The following ZNF480 variants were observed in gnomAD, a reference collection of about 807,000 sequenced individuals.
ZNF480 encodes zinc finger protein 480.
A neutral mutation model predicts 14.4 loss-of-function variants in ZNF480; 15 were observed. The observed-to-expected ratio is 1.04, with a 90% CI of 0.70 to 1.60. The LOEUF (loss-of-function observed/expected upper bound fraction) is 1.60. Among genes scored for constraint, ZNF480 ranks in the 40% most tolerant of loss-of-function variants. ZNF480 has a pLI of 0.00. For synonymous variants in ZNF480, 218 were observed against 215.5 expected, an observed-to-expected ratio of 1.01 and a Z score of -0.10; for missense variants, 593 against 629.7, an observed-to-expected ratio of 0.94 and a Z score of 0.62.
At position 52,322,703 on chromosome 19, in the gene ZNF480, TG is replaced by T; in HGVS notation, c.1454del (p.Cys485LeufsTer42). 1 of 1,613,708 alleles carries T rather than the reference TG, an allele frequency of 6.2e-7. No homozygotes were observed. The highest frequency in any genetic ancestry group is 8.5e-7 in the Non-Finnish European group (1 of 1,179,750). On this transcript the variant is annotated frameshift_variant, in exon 5 of 5. Coordinates refer to ENST00000595962, the MANE Select transcript of ZNF480 (RefSeq NM_144684.4). LOFTEE classifies it low-confidence loss of function (END_TRUNC). ...RIHTGERPYK[C>X]NECGKVFNRI... is the part of the protein sequence containing the mutation. ...CCATACTGGAGAAAGACCTTACAAA[TG>T]TAATGAATGTGGCAAGGTCTTCAAT... is the stretch of plus-strand genomic sequence containing the variant.
At position 52,322,372 on chromosome 19, in the gene ZNF480, T is replaced by A. The variant is rs142969990; in HGVS notation, c.1122T>A (p.Asn374Lys). The change falls in exon 5 of 5, where the codon AAT becomes AAA. Residue 374 changes from asparagine to lysine, a missense_variant. Physicochemically the swap from Asn to Lys is moderately conservative, Grantham distance 94 (BLOSUM62 0). Transcript: ENST00000595962. ...IHTGEKPYKC[N>K]ECGKVFIQNS... ...CTGGAGAGAAACCTTACAAATGTAA[T>A]GAATGTGGAAAGGTCTTTATTCAAA... The A allele has an allele frequency of 3.1e-6, 5 of 1,613,948 alleles. No individual in the cohort carries two copies. The East Asian group carries it at 6.7e-5, about 22-fold the overall frequency.
chr19:52,298,825 T>C (rs139012629), intron 1 of ZNF480, among the ~76,000 whole-genome samples: 1,692 of 145,972 alleles, frequency 0.012, 14 homozygotes, highest in Middle Eastern at 0.028. Flanking sequence ...AGGGGAAAAA[T>C]AAAGGGGGAA....
intron 3 of ZNF480, among the ~76,000 whole-genome samples, 194 bp downstream of exon 3, chr19:52,314,473 C>CAAAAAAAAAAAAAAAAAA (rs34349660): frequency 1.5e-5 from 1 of 66,208 alleles, no homozygotes. Flanking sequence ...AACTCCGTCC[C>CAAAAAAAAAAAAAAAAAA]AAAAAAAAAA....
intron 2 of ZNF480, among the ~76,000 whole-genome samples, chr19:52,310,788 C>T (rs965670607): frequency 1.3e-5 from 2 of 151,344 alleles, no homozygotes; most frequent in Admixed American, 1.3e-4. Flanking sequence ...ATCACGAGGT[C>T]AGGAGATCGA....
At chr19:52,302,524 T>C (rs1982745092) in intron 2 of ZNF480, among the ~76,000 whole-genome samples, 1 of 152,194 alleles carries the variant, frequency 6.6e-6, no homozygotes, top group Non-Finnish European at 1.5e-5. Flanking sequence ...TCTGTTTTAA[T>C]AAAAGCTGGA....
chr19:52,325,679 T>A lies in ZNF480; in HGVS notation c.*2821T>A, dbSNP rs1478950120. ...ATTAATGCAGGAACAGAAAATGAAA[T>A]ATCCCATGTTCTCACTTATAAGTGG... On this transcript the variant is annotated 3_prime_UTR_variant, in exon 5 of 5. Transcript: ENST00000595962. The A allele has an allele frequency of 6.6e-6, 1 of 152,168 alleles. No individual in the cohort carries two copies. Among genetic ancestry groups the A allele is most frequent in the Non-Finnish European group, 1.5e-5 (1 of 68,048 alleles). 9.4% of individuals were successfully genotyped at this position (152,168 alleles called of 1,614,324 possible).
At position 52,313,110 on chromosome 19, in the gene ZNF480, C is replaced by T. The variant is rs752722511; in HGVS notation, c.73-1043C>T. Among the ~76,000 whole-genome samples the T allele has an allele frequency of 1.4e-4, 21 of 150,440 alleles. No individual in the cohort carries two copies. The East Asian group carries it at 1.6e-3, about 11-fold the overall frequency. ...TGGTGGGATTACAGGCGTGAGCCAC[C>T]GCGCCCAGCCTATAATTCTTTCTCT... On this transcript the variant is annotated intron_variant, in intron 2 of 4. Transcript: ENST00000595962.
chr19:52,302,462 C>G (rs554261896), intron 2 of ZNF480, among the ~76,000 whole-genome samples: 1 of 152,232 alleles, frequency 6.6e-6, no homozygotes, highest in East Asian at 1.9e-4. Context: ...GTTTAATACT[C>G]TATATAGAGA....
chr19:52,322,710 A>C lies in ZNF480; in HGVS notation c.1460A>C (p.Glu487Ala). 1 of 1,613,818 alleles carries C rather than the reference A, an allele frequency of 6.2e-7. No individual in the cohort carries two copies. The highest frequency in any genetic ancestry group is 8.5e-7 in the Non-Finnish European group (1 of 1,179,790). ...GGAGAAAGACCTTACAAATGTAATG[A>C]ATGTGGCAAGGTCTTCAATCGAATT... Reference protein sequence around the residue: ...HTGERPYKCNECGKVFNRIAH... With the variant: ...HTGERPYKCNACGKVFNRIAH... The change falls in exon 5 of 5, where the codon GAA becomes GCA. Residue 487 changes from glutamate to alanine, a missense_variant. Physicochemically the swap from Glu to Ala is moderately radical, Grantham distance 107. Coordinates refer to ENST00000595962, the MANE Select transcript of ZNF480 (RefSeq NM_144684.4).
intron 2 of ZNF480, among the ~76,000 whole-genome samples, chr19:52,304,986 C>G (rs1243407073): frequency 6.6e-6 from 1 of 152,024 alleles, no homozygotes; most frequent in African/African-American, 2.4e-5. Context: ...GTGGTCCCAG[C>G]TACTTGGGAG....
At position 52,323,030 on chromosome 19, in the gene ZNF480, C is replaced by T. The variant is rs1600223485; in HGVS notation, c.*172C>T. 2 of 498,264 alleles carry T rather than the reference C, an allele frequency of 4.0e-6. No homozygotes were observed. The highest frequency in any genetic ancestry group is 6.5e-5 in the East Asian group (2 of 30,932). The allele number at this position is 498,264 out of a possible 1,614,324, so 30.9% of individuals were successfully genotyped here. A position where few individuals can be genotyped will look rare whatever the true frequency, so the allele number is the denominator to read the frequency against. On this transcript the variant is annotated 3_prime_UTR_variant, in exon 5 of 5. Coordinates refer to ENST00000595962, the MANE Select transcript of ZNF480 (RefSeq NM_144684.4). Reference sequence around the variant, plus strand: ...GAGAATTTATACTGGAGAGACTTCACAATTATAATAAATGTGTGGAAAAGT... The same window carrying T: ...GAGAATTTATACTGGAGAGACTTCATAATTATAATAAATGTGTGGAAAAGT...
rs149934858 is a variant in ZNF480, at chr19:52,300,703, G to A, written c.72+219G>A. The A allele has an allele frequency of 5.1e-6, 4 of 778,074 alleles. No homozygotes were observed. The African/African-American group carries it at 5.2e-5, about 10-fold the overall frequency. The allele number at this position is 778,074 out of a possible 1,614,324, so 48.2% of individuals were successfully genotyped here. On this transcript the variant is annotated intron_variant, in intron 2 of 4. Coordinates refer to ENST00000595962, the MANE Select transcript of ZNF480 (RefSeq NM_144684.4). ...CACAGACACAAGAATAGAGTGTAAA[G>A]TGGGATCAGGGGCCAACAGCCTTCA...
At chr19:52,316,167 G>A (rs1983542125) in intron 4 of ZNF480, among the ~76,000 whole-genome samples, 1 of 150,132 alleles carries the variant, frequency 6.7e-6, no homozygotes, top group South Asian at 2.1e-4. Flanking sequence ...TATTTGACTG[G>A]AGATCTTTCT....
intron 2 of ZNF480, among the ~76,000 whole-genome samples, chr19:52,303,719 G>A (rs1982799252): frequency 6.6e-6 from 1 of 152,162 alleles, no homozygotes; most frequent in Non-Finnish European, 1.5e-5. Flanking sequence ...TAATTGCTGA[G>A]GGCTAGTGAG....
intron 1 of ZNF480, among the ~76,000 whole-genome samples, chr19:52,298,221 A>G (rs1982506571): frequency 6.6e-6 from 1 of 152,002 alleles, no homozygotes; most frequent in Non-Finnish European, 1.5e-5. Context: ...CAACGAGAGC[A>G]GAGGGAGAAC....
rs1984055684 is a variant in ZNF480 at position 52,325,484 on chromosome 19, A to T, written c.*2626A>T. 1 of 152,246 alleles carries T rather than the reference A, an allele frequency of 6.6e-6. No homozygotes were observed. Among genetic ancestry groups the T allele is most frequent in the African/African-American group, 2.4e-5 (1 of 41,466 alleles). 9.4% of individuals were successfully genotyped at this position (152,246 alleles called of 1,614,324 possible). A position where few individuals can be genotyped will look rare whatever the true frequency, so the allele number is the denominator to read the frequency against. On this transcript the variant is annotated 3_prime_UTR_variant, in exon 5 of 5. Coordinates refer to ENST00000595962, the MANE Select transcript of ZNF480 (RefSeq NM_144684.4). ...CAAACACTTGTATGTTCATTGCAGC[A>T]CTATTCTCAATAGCAAAGATGTGGA...
At chr19:52,300,045 G>A (rs1236609328) in intron 1 of ZNF480, among the ~76,000 whole-genome samples, 1 of 152,182 alleles carries the variant, frequency 6.6e-6, no homozygotes, top group Non-Finnish European at 1.5e-5. Flanking sequence ...CTCCATTTCT[G>A]AGGGATTACA....
chr19:52,307,143 C>T lies in ZNF480; in HGVS notation c.72+6659C>T, dbSNP rs751779729. Among the ~76,000 whole-genome samples the T allele has an allele frequency of 8.3e-4, 126 of 152,314 alleles. 1 individual carries two copies. Among genetic ancestry groups the T allele is most frequent in the Non-Finnish European group, 2.2e-4 (15 of 68,028 alleles). On this transcript the variant is annotated intron_variant, in intron 2 of 4. Coordinates refer to ENST00000595962, the MANE Select transcript of ZNF480 (RefSeq NM_144684.4). ...CAGACAGTTATAGGAATATCCTCAGCGCCATCCTTATATGACTTCTTCAGT... is the reference window on the plus strand; with the variant it reads ...CAGACAGTTATAGGAATATCCTCAGTGCCATCCTTATATGACTTCTTCAGT...
chr19:52,305,812 C>T lies in ZNF480; in HGVS notation c.72+5328C>T, dbSNP rs189910987. On this transcript the variant is annotated intron_variant, in intron 2 of 4. Coordinates refer to ENST00000595962, the MANE Select transcript of ZNF480 (RefSeq NM_144684.4). ...CCCCGGTTTGGAATGAGGCCTGGGA[C>T]GGGCCCCTCATGGCGTTTCCTGAAA... is the stretch of plus-strand genomic sequence containing the variant. Among the ~76,000 whole-genome samples the T allele has an allele frequency of 1.3e-3, 205 of 152,282 alleles. 1 individual carries two copies. Among genetic ancestry groups the T allele is most frequent in the African/African-American group, 4.1e-3 (172 of 41,556 alleles).
Sources: allele counts gnomAD v4.1 joint callset (sites outside exome capture counted in the v4.1 genomes callset), GRCh38; gene constraint gnomAD v4.1.1; transcripts MANE v1.5; gene names NCBI Gene and HGNC (gene_info 2026-07-23, HGNC 2026-07-21).